OR52I2: variants seen among roughly 807,000 people sequenced by gnomAD.
OR52I2 encodes the protein olfactory receptor family 52 subfamily I member 2.
For missense variants in OR52I2, 350 were observed against 402.4 expected (o/e 0.87, Z 1.11); for synonymous variants, 147 against 151.9 (o/e 0.97, Z 0.24).
exon 1 of OR52I2, chr11:4,581,832 C>T (rs889935471): frequency 1.8e-4 from 28 of 152,204 alleles, no homozygotes; most frequent in African/African-American, 6.8e-4. Context: ...ATCAACCCAT[C>T]AGGGAAAGTT....
intron 1 of OR52I2, among the ~76,000 whole-genome samples, chr11:4,584,120 A>G (rs1846281142): frequency 6.6e-6 from 1 of 152,220 alleles, no homozygotes. Flanking sequence ...GCTTCTTACT[A>G]TGGAAACCCT....
Position 4,582,433 on chromosome 11 carries a change from C to CCTTTTTT in OR52I2, c.-20+569_-20+570insCTTTTTT, listed in dbSNP as rs1564859030. ...TTTATTTTTATATTTATTTATTTTTCATTTTTTTTTTTTTTTTTTTTTTGA... is the reference window on the plus strand; with the variant it reads ...TTTATTTTTATATTTATTTATTTTTCCTTTTTTATTTTTTTTTTTTTTTTTTTTTTGA... On this transcript the variant is annotated intron_variant, in intron 1 of 1. Coordinates refer to ENST00000641896, the Ensembl canonical transcript of OR52I2. 1.6e-4 allele frequency among the ~76,000 whole-genome samples: 12 copies of CCTTTTTT among 74,694 alleles called. 1 individual carries two copies. The highest frequency in any genetic ancestry group is 3.9e-4 in the Admixed American group (2 of 5,182). 49.0% of individuals were successfully genotyped at this position (74,694 alleles called of 152,430 possible). A position where few individuals can be genotyped will look rare whatever the true frequency, so the allele number is the denominator to read the frequency against.
intron 1 of OR52I2, among the ~76,000 whole-genome samples, chr11:4,585,180 T>C (rs941169882): frequency 3.9e-5 from 6 of 152,178 alleles, no homozygotes; most frequent in Admixed American, 3.3e-4. Context: ...GAACCAATAC[T>C]TTTCGACTCT....
rs571098596 is a variant in OR52I2, at chr11:4,585,749, T to C, written c.-19-1123T>C. On this transcript the variant is annotated intron_variant, in intron 1 of 1. Transcript: ENST00000641896. Reference sequence around the variant, plus strand: ...GGGCTGGATGGACACCTGGGAGTCATAGCTTAAACCCAAAACTTACCACAC... The same window carrying C: ...GGGCTGGATGGACACCTGGGAGTCACAGCTTAAACCCAAAACTTACCACAC... 1.4e-4 allele frequency among the ~76,000 whole-genome samples: 22 copies of C among 152,342 alleles called. No homozygotes were observed. The South Asian group carries it at 3.9e-3, about 27-fold the overall frequency.
chr11:4,582,622 G>C (rs1041552753), intron 1 of OR52I2, among the ~76,000 whole-genome samples: 2 of 151,560 alleles, frequency 1.3e-5, no homozygotes, highest in Non-Finnish European at 2.9e-5. Context: ...TGTATTTTTA[G>C]TAGAGACGGG....
rs569003328 is a variant in OR52I2, at chr11:4,591,399, C to T, written c.*3534C>T. On this transcript the variant is annotated 3_prime_UTR_variant, in exon 2 of 2. Transcript: ENST00000641896. ...GTCTTGAGGCTTGGCAAATGAGCACCTTTCATTTAAGATTGCGTGAACACC... is the reference window on the plus strand; with the variant it reads ...GTCTTGAGGCTTGGCAAATGAGCACTTTTCATTTAAGATTGCGTGAACACC... 23 of 152,152 alleles carry T rather than the reference C, an allele frequency of 1.5e-4. No individual in the cohort carries two copies. The South Asian group carries it at 3.1e-3, about 21-fold the overall frequency. 9.4% of individuals were successfully genotyped at this position (152,152 alleles called of 1,614,324 possible). A position where few individuals can be genotyped will look rare whatever the true frequency, so the allele number is the denominator to read the frequency against.
At chr11:4,592,773 A>C (rs1564861511) in exon 2 of OR52I2, 1 of 152,224 alleles carries the variant, frequency 6.6e-6, no homozygotes, top group African/African-American at 2.4e-5. Flanking sequence ...TGAATGAGGC[A>C]ATGGAGGGTG....
At chr11:4,582,433 C>CTTTTTTTT (rs1564859030) in intron 1 of OR52I2, among the ~76,000 whole-genome samples, 2 of 74,664 alleles carry the variant, frequency 2.7e-5, no homozygotes, top group Non-Finnish European at 5.3e-5. Context: ...ATTTATTTTT[C>CTTTTTTTT]ATTTTTTTTT....
exon 2 of OR52I2, chr11:4,592,937 T>A (rs1179777128): frequency 1.3e-5 from 2 of 152,216 alleles, no homozygotes; most frequent in African/African-American, 4.8e-5. Context: ...TTGGGCTGGA[T>A]GGACACCTGG....
At chr11:4,589,172 T>A (rs887258119) in exon 2 of OR52I2, 3 of 152,232 alleles carry the variant, frequency 2.0e-5, no homozygotes, top group Admixed American at 2.0e-4. Flanking sequence ...GGAGTAGCAA[T>A]GTTTGGTTGC....
At chr11:4,587,140 A>C in exon 2 of OR52I2, 1 of 1,614,166 alleles carries the variant, frequency 6.2e-7, no homozygotes, top group Non-Finnish European at 8.5e-7. Flanking sequence ...GGTGGTACCC[A>C]AGATGGTGAG....
intron 1 of OR52I2, 195 bp from the exon 2 acceptor site, chr11:4,586,677 A>G: frequency 5.4e-6 from 4 of 742,012 alleles, no homozygotes; most frequent in Non-Finnish European, 8.8e-6. Context: ...CTGATCCATG[A>G]ACAATGAATA....
chr11:4,592,152 A>G (rs544472668), exon 2 of OR52I2: 5 of 152,286 alleles, frequency 3.3e-5, no homozygotes, highest in African/African-American at 1.2e-4. Flanking sequence ...CTGTTTTACT[A>G]TATTATAGCT....
chr11:4,586,023 A>C (rs1846297581), intron 1 of OR52I2, among the ~76,000 whole-genome samples: 1 of 152,214 alleles, frequency 6.6e-6, no homozygotes, highest in Non-Finnish European at 1.5e-5. Context: ...GCATTGAAAA[A>C]TCATAAAAGC....
chr11:4,586,783 G>C (rs562405324), intron 1 of OR52I2, 89 bp from the exon 2 acceptor site: 1 of 1,588,336 alleles, frequency 6.3e-7, no homozygotes, highest in South Asian at 1.1e-5. Flanking sequence ...CCACCAAGCT[G>C]AGAATATCCT....
At chr11:4,587,365 G>C in exon 2 of OR52I2, 2 of 1,606,182 alleles carry the variant, frequency 1.2e-6, no homozygotes, top group Non-Finnish European at 1.7e-6. Context: ...AGCTATCATA[G>C]CCATAACTCC....
exon 2 of OR52I2, chr11:4,590,349 T>A (rs1236798106): frequency 6.6e-6 from 1 of 152,198 alleles, no homozygotes; most frequent in Non-Finnish European, 1.5e-5. Context: ...TCAACGTTAA[T>A]CTTAGCCAAA....
chr11:4,592,535 A>G (rs1056120481), exon 2 of OR52I2: 1 of 152,178 alleles, frequency 6.6e-6, no homozygotes, highest in Admixed American at 6.5e-5. Flanking sequence ...AAGCTAGGTG[A>G]TAACATCAGA....
chr11:4,586,996 A>T, exon 2 of OR52I2: 1 of 1,614,140 alleles, frequency 6.2e-7, no homozygotes, highest in Non-Finnish European at 8.5e-7. Flanking sequence ...TATCTCACTG[A>T]GTGCCATGTA....
Sources: gnomAD v4.1 joint callset for allele counts (sites outside exome capture counted in the v4.1 genomes callset) on GRCh38, gnomAD v4.1.1 for gene constraint, MANE v1.5 for transcripts, NCBI Gene and HGNC (gene_info 2026-07-23, HGNC 2026-07-21) for gene names.